The following CSMD1 variants were observed in gnomAD, a reference collection of about 807,000 sequenced individuals.
CSMD1 encodes CUB and sushi domain-containing protein 1.
CSMD1 carries 213 observed loss-of-function variants against 417.5 expected under a neutral mutation model. The observed-to-expected ratio is 0.51, with a 90% CI of 0.46 to 0.57. The LOEUF is 0.57. CSMD1 is among the 20% of genes least tolerant of loss of function. The pLI is 0.00. For missense variants in CSMD1, 6,923 were observed against 4,529.7 expected (o/e 1.53, Z -15.17); for synonymous variants, 2,862 against 1,736.8 (o/e 1.65, Z -16.11).
At position 4,175,726 on chromosome 8, in the gene CSMD1, G is replaced by A. The variant is rs6992477; in HGVS notation, c.416-143627C>T. Among the ~76,000 whole-genome samples, 621 of 152,212 alleles carry A rather than the reference G, an allele frequency of 4.1e-3. 6 individuals carry two copies. The highest frequency in any genetic ancestry group is 0.014 in the African/African-American group (598 of 41,510). ...GGAGAATTTTATTGTCCAAGAGAATGTTGCCTAGAAAAATAATGGTGAAAT... is the reference window on the plus strand; with the variant it reads ...GGAGAATTTTATTGTCCAAGAGAATATTGCCTAGAAAAATAATGGTGAAAT... On this transcript the variant is annotated intron_variant, in intron 3 of 69. Transcript: ENST00000635120.
At chr8:3,998,271 T>C (rs1293147327) in intron 4 of CSMD1, among the ~76,000 whole-genome samples, 161 bp from the exon 5 acceptor site, 1 of 152,232 alleles carries the variant, frequency 6.6e-6, no homozygotes, top group African/African-American at 2.4e-5. Context: ...TAATGAGTTC[T>C]ATGAAAAGGC....
chr8:4,649,365 A>G (rs1272540800), intron 1 of CSMD1, among the ~76,000 whole-genome samples: 1 of 152,232 alleles, frequency 6.6e-6, no homozygotes, highest in African/African-American at 2.4e-5. Flanking sequence ...AATAGTTTCC[A>G]TATTTTAATC....
Position 4,118,935 on chromosome 8 carries a change from T to G in CSMD1, c.416-86836A>C, listed in dbSNP as rs1178535026. Among the ~76,000 whole-genome samples the G allele has an allele frequency of 2.0e-5, 3 of 152,166 alleles. No individual in the cohort carries two copies. In the East Asian group the frequency reaches 5.8e-4, roughly 29 times the overall value. ...CATTAAAAAGGATGAGTTCATTTCC[T>G]TTGGGGGGACATGGGTGAAGCTGGA... is the stretch of plus-strand genomic sequence containing the variant. On this transcript the variant is annotated intron_variant, in intron 3 of 69. Coordinates refer to ENST00000635120, the MANE Select transcript of CSMD1 (RefSeq NM_033225.6).
intron 5 of CSMD1, among the ~76,000 whole-genome samples, chr8:3,810,975 A>G (rs544009576): frequency 1.3e-5 from 2 of 152,308 alleles, no homozygotes; most frequent in African/African-American, 4.8e-5. Flanking sequence ...TAATATAAGT[A>G]CAAGTACTTT....
intron 3 of CSMD1, among the ~76,000 whole-genome samples, chr8:4,058,466 C>CA (rs1457967658): frequency 6.6e-6 from 1 of 152,144 alleles, no homozygotes; most frequent in Non-Finnish European, 1.5e-5. Flanking sequence ...GATACACAAT[C>CA]ACGTCATCTG....
chr8:2,971,641 A>C (rs1804466183), intron 57 of CSMD1, among the ~76,000 whole-genome samples: 1 of 152,196 alleles, frequency 6.6e-6, no homozygotes. Flanking sequence ...AGAGTAGAAA[A>C]CACTCTGGTT....
chr8:3,553,926 T>C (rs1799027373), intron 10 of CSMD1, among the ~76,000 whole-genome samples: 1 of 151,982 alleles, frequency 6.6e-6, no homozygotes, highest in African/African-American at 2.4e-5. Flanking sequence ...GGCAGACTTC[T>C]ACGTAATGGG....
At chr8:4,660,358 T>G (rs1419753338) in intron 1 of CSMD1, among the ~76,000 whole-genome samples, 1 of 126,520 alleles carries the variant, frequency 7.9e-6, no homozygotes, top group East Asian at 2.5e-4. Flanking sequence ...ACATACAGGA[T>G]GTGTTTGCTG....
intron 6 of CSMD1, among the ~76,000 whole-genome samples, chr8:3,720,620 T>TTCTCACACACACACACACACACACACAC (rs72331833): frequency 2.8e-5 from 4 of 143,322 alleles, no homozygotes; most frequent in African/African-American, 1.1e-4. Flanking sequence ...TCTTTATTCT[T>TTCTCACACACACACACACACACACACAC]ACACACACAC....
At chr8:3,789,411 T>G (rs1045155082) in intron 5 of CSMD1, among the ~76,000 whole-genome samples, 1 of 133,958 alleles carries the variant, frequency 7.5e-6, no homozygotes, top group Non-Finnish European at 1.6e-5. Context: ...TAAGTAAGTT[T>G]TTTTTTTTTA....
At chr8:4,773,060 A>T (rs1203998654) in intron 1 of CSMD1, among the ~76,000 whole-genome samples, 2 of 152,204 alleles carry the variant, frequency 1.3e-5, no homozygotes, top group Non-Finnish European at 2.9e-5. Flanking sequence ...AATGTTTGCC[A>T]CCAGAAGTAT....
chr8:3,998,184 T>C (rs1815371853), intron 4 of CSMD1, 74 bp from the exon 5 acceptor site: 2 of 1,283,564 alleles, frequency 1.6e-6, no homozygotes, highest in South Asian at 2.9e-5. Flanking sequence ...CCACCAAGTG[T>C]CACTCTTGAT....
intron 3 of CSMD1, among the ~76,000 whole-genome samples, chr8:4,034,667 A>C (rs1442832902): frequency 6.6e-6 from 1 of 152,206 alleles, no homozygotes; most frequent in Non-Finnish European, 1.5e-5. Flanking sequence ...GTGAAGAGTG[A>C]GAAAGGGAGT....
At chr8:4,700,623 G>A (rs930338054) in intron 1 of CSMD1, among the ~76,000 whole-genome samples, 8 of 152,004 alleles carry the variant, frequency 5.3e-5, no homozygotes, top group Non-Finnish European at 7.4e-5. Context: ...AGAAACAACT[G>A]ACTCAATCTA....
At chr8:4,939,130 C>G (rs1201319117) in intron 1 of CSMD1, among the ~76,000 whole-genome samples, 4 of 152,238 alleles carry the variant, frequency 2.6e-5, no homozygotes, top group South Asian at 4.1e-4. Context: ...TGTGCAGAAG[C>G]TTTTTAGTTT....
intron 5 of CSMD1, among the ~76,000 whole-genome samples, chr8:3,808,568 G>C (rs1585029915): frequency 6.6e-6 from 1 of 152,178 alleles, no homozygotes; most frequent in South Asian, 2.1e-4. Context: ...GATATGGGGA[G>C]AATCCTCATG....
At chr8:3,861,676 G>C (rs979759456) in intron 5 of CSMD1, among the ~76,000 whole-genome samples, 10 of 152,190 alleles carry the variant, frequency 6.6e-5, no homozygotes, top group African/African-American at 1.2e-4. Context: ...TGGAGGTCCA[G>C]AGAATAGGGT....
chr8:3,398,410 G>T (rs1189169327), intron 16 of CSMD1, among the ~76,000 whole-genome samples: 3 of 152,046 alleles, frequency 2.0e-5, no homozygotes, highest in Admixed American at 6.6e-5. Context: ...TATTTTGTCA[G>T]AAGCAAGTGA....
intron 3 of CSMD1, among the ~76,000 whole-genome samples, chr8:4,173,062 T>C (rs146444803): frequency 1.5e-4 from 23 of 152,266 alleles, no homozygotes; most frequent in African/African-American, 4.6e-4. Flanking sequence ...TGCCCAGCAA[T>C]AAATAACTTC....
Sources: allele counts gnomAD v4.1 joint callset (sites outside exome capture counted in the v4.1 genomes callset), GRCh38; gene constraint gnomAD v4.1.1; transcripts MANE v1.5; gene names NCBI Gene and HGNC (gene_info 2026-07-23, HGNC 2026-07-21).